KIF21A: variants seen among roughly 807,000 people sequenced by gnomAD.
KIF21A encodes the protein kinesin-like protein KIF21A.
Under a neutral mutation model 202.9 loss-of-function variants are expected in KIF21A, and 114 were observed. The observed-to-expected ratio is 0.56, with a 90% CI of 0.48 to 0.66. The LOEUF (loss-of-function observed/expected upper bound fraction) is 0.66, where lower values mean the gene tolerates loss of function less well. Among genes scored for constraint, KIF21A ranks in the 30% least tolerant of loss-of-function variants. The pLI, the probability that KIF21A is intolerant of heterozygous loss-of-function variation, is 0.00. For missense variants in KIF21A, 1,677 were observed against 1,994.9 expected, an observed-to-expected ratio of 0.84 and a Z score of 3.04; for synonymous variants, 667 against 670.8, an observed-to-expected ratio of 0.99 and a Z score of 0.09.
At chr12:39,359,613 A>G (rs905912109) in intron 7 of KIF21A, among the ~76,000 whole-genome samples, 2 of 152,216 alleles carry the variant, frequency 1.3e-5, no homozygotes, top group Non-Finnish European at 2.9e-5. Flanking sequence ...TAAAGAAAAT[A>G]AGGTAATTCA....
intron 1 of KIF21A, among the ~76,000 whole-genome samples, chr12:39,396,065 C>T (rs1951732106): frequency 6.6e-6 from 1 of 151,974 alleles, no homozygotes; most frequent in Admixed American, 6.6e-5. Flanking sequence ...AATTAGTCCA[C>T]CATCATCGGG....
At chr12:39,329,470 G>A (rs1946300272) in intron 24 of KIF21A, among the ~76,000 whole-genome samples, 1 of 152,030 alleles carries the variant, frequency 6.6e-6, no homozygotes, top group African/African-American at 2.4e-5. Context: ...GGAGAAAGAT[G>A]AAGAAGGGGG....
At chr12:39,389,531 AC>A (rs535860070) in intron 1 of KIF21A, among the ~76,000 whole-genome samples, 165 of 152,304 alleles carry the variant, frequency 1.1e-3, no homozygotes, top group African/African-American at 3.8e-3. Flanking sequence ...TCTGCTTGCC[AC>A]TGCCACCAGT....
At chr12:39,383,645 C>T (rs1253339151) in intron 1 of KIF21A, among the ~76,000 whole-genome samples, 2 of 152,046 alleles carry the variant, frequency 1.3e-5, no homozygotes. Flanking sequence ...ACAAAAATAG[C>T]TGTATGAGCC....
intron 17 of KIF21A, among the ~76,000 whole-genome samples, chr12:39,336,455 G>C (rs1297925418): frequency 6.6e-6 from 1 of 152,030 alleles, no homozygotes; most frequent in Non-Finnish European, 1.5e-5. Flanking sequence ...TCATTTTTCA[G>C]ATAAGTATAC....
chr12:39,338,439 G>A (rs1199969070), intron 16 of KIF21A, among the ~76,000 whole-genome samples: 2 of 152,160 alleles, frequency 1.3e-5, no homozygotes, highest in Non-Finnish European at 2.9e-5. Flanking sequence ...ATTTATCACT[G>A]AGGAGAGTTT....
chr12:39,300,185 A>C (rs374663397), intron 37 of KIF21A, among the ~76,000 whole-genome samples: 1 of 152,210 alleles, frequency 6.6e-6, no homozygotes, highest in African/African-American at 2.4e-5. Flanking sequence ...ATTACATTAC[A>C]TGTCAATCCC....
At chr12:39,377,681 T>C (rs542005661) in intron 1 of KIF21A, among the ~76,000 whole-genome samples, 1 of 152,292 alleles carries the variant, frequency 6.6e-6, no homozygotes, top group Admixed American at 6.5e-5. Context: ...AGAAGAAAGG[T>C]ATTTCTTCAA....
intron 1 of KIF21A, among the ~76,000 whole-genome samples, chr12:39,376,725 G>T (rs1211740144): frequency 6.6e-6 from 1 of 152,030 alleles, no homozygotes; most frequent in Non-Finnish European, 1.5e-5. Context: ...TGATGCAAAC[G>T]ATCAAACTTA....
At chr12:39,437,103 A>T (rs1938911179) in intron 1 of KIF21A, among the ~76,000 whole-genome samples, 1 of 152,170 alleles carries the variant, frequency 6.6e-6, no homozygotes, top group Non-Finnish European at 1.5e-5. Context: ...GCATATTCCA[A>T]GTCAATTTAT....
chr12:39,319,892 C>T lies in KIF21A; in HGVS notation c.3779+14G>A. On this transcript the variant is annotated intron_variant, in intron 28 of 37. Coordinates refer to ENST00000361418, the MANE Select transcript of KIF21A (RefSeq NM_001173464.2). The stretch of plus-strand genomic sequence containing the variant: ...TTAATACAGTCTAGCAGGTAAAAAA[C>T]ATTAGTCACTTACTGCTTTTGTTCC... 2 of 1,472,044 alleles carry T rather than the reference C, an allele frequency of 1.4e-6. No homozygotes were observed. The highest frequency in any genetic ancestry group is 9.5e-7 in the Non-Finnish European group (1 of 1,054,946). The allele number at this position is 1,472,044 out of a possible 1,614,324, so 91.2% of individuals were successfully genotyped here. A position where few individuals can be genotyped will look rare whatever the true frequency, so the allele number is the denominator to read the frequency against.
chr12:39,420,520 C>T (rs1954165826), intron 1 of KIF21A, among the ~76,000 whole-genome samples: 1 of 152,092 alleles, frequency 6.6e-6, no homozygotes, highest in Admixed American at 6.6e-5. Context: ...TCAAATGTGT[C>T]TCCACTCCCT....
At position 39,389,086 on chromosome 12, in the gene KIF21A, A is replaced by T. The variant is rs1029791681; in HGVS notation, c.45-18825T>A. ...TTCATCAGTTAATTTTCCTCTATTT[A>T]AAAAAAAACTTTAAATGTAAATGTC... On this transcript the variant is annotated intron_variant, in intron 1 of 37. Transcript: ENST00000361418. 2.6e-5 allele frequency among the ~76,000 whole-genome samples: 4 copies of T among 151,382 alleles called. No individual in the cohort carries two copies. In the South Asian group the frequency reaches 6.3e-4, roughly 24 times the overall value.
In KIF21A at chr12:39,357,468, T is replaced by C. The variant is rs776474842; in HGVS notation, c.1216-31A>G. The C allele has an allele frequency of 7.6e-6, 12 of 1,572,104 alleles. No individual in the cohort carries two copies. In the South Asian group the frequency reaches 1.1e-4, roughly 15 times the overall value. ...AAAGGAAAATAATGTCCTTGTTGGT[T>C]GAGGAGCCTTAAAAACACAAGAGTT... On this transcript the variant is annotated intron_variant, in intron 8 of 37. Coordinates refer to ENST00000361418, the MANE Select transcript of KIF21A (RefSeq NM_001173464.2).
At chr12:39,382,555 C>T (rs1349804933) in intron 1 of KIF21A, among the ~76,000 whole-genome samples, 2 of 152,092 alleles carry the variant, frequency 1.3e-5, no homozygotes, top group African/African-American at 2.4e-5. Flanking sequence ...AAATAATCTA[C>T]TCCAATGGGG....
At chr12:39,392,815 T>C (rs1428130740) in intron 1 of KIF21A, among the ~76,000 whole-genome samples, 1 of 147,218 alleles carries the variant, frequency 6.8e-6, no homozygotes, top group Non-Finnish European at 1.5e-5. Flanking sequence ...GGAAAATATG[T>C]ACTATTAATG....
intron 17 of KIF21A, among the ~76,000 whole-genome samples, chr12:39,334,824 T>C (rs922840589): frequency 6.6e-6 from 1 of 152,198 alleles, no homozygotes; most frequent in African/African-American, 2.4e-5. Flanking sequence ...TAATAGAATA[T>C]AGGCATCACA....
chr12:39,415,358 G>A (rs937509253), intron 1 of KIF21A, among the ~76,000 whole-genome samples: 1 of 146,290 alleles, frequency 6.8e-6, no homozygotes, highest in Non-Finnish European at 1.5e-5. Flanking sequence ...TCCTACCTCA[G>A]CCTCCGGAGT....
intron 1 of KIF21A, among the ~76,000 whole-genome samples, chr12:39,428,404 T>A (rs1490925066): frequency 6.6e-6 from 1 of 152,216 alleles, no homozygotes; most frequent in African/African-American, 2.4e-5. Context: ...AGAAACTTGT[T>A]TTTCAACCCA....
Sources: allele counts gnomAD v4.1 joint callset (sites outside exome capture counted in the v4.1 genomes callset), GRCh38; gene constraint gnomAD v4.1.1; transcripts MANE v1.5; gene names NCBI Gene and HGNC (gene_info 2026-07-23, HGNC 2026-07-21).